The following MEMO1 variants were observed in gnomAD, a reference collection of about 807,000 sequenced individuals.
MEMO1 encodes the protein mediator of cell motility 1, also known as protein MEMO1.
In MEMO1, 6 loss-of-function variants were observed where a neutral mutation model predicts 45.2. That is an observed-to-expected ratio of 0.13 (90% confidence interval 0.07 to 0.26). The LOEUF (loss-of-function observed/expected upper bound fraction) is 0.26, where lower values mean the gene tolerates loss of function less well. MEMO1 is among the 10% of genes least tolerant of loss of function. MEMO1 has a pLI of 1.00. For missense variants in MEMO1, 184 were observed against 370.5 expected (o/e 0.50, Z 4.13); for synonymous variants, 78 against 124.3 (o/e 0.63, Z 2.48).
chr2:31,982,049 A>G (rs190345440), intron 2 of MEMO1, among the ~76,000 whole-genome samples: 5 of 152,300 alleles, frequency 3.3e-5, no homozygotes, highest in Non-Finnish European at 7.3e-5. Context: ...CTGTAATCCC[A>G]ACACTTTGAG....
intron 3 of MEMO1, among the ~76,000 whole-genome samples, chr2:31,940,035 C>A (rs1268389449): frequency 6.6e-6 from 1 of 152,054 alleles, no homozygotes; most frequent in Admixed American, 6.6e-5. Flanking sequence ...TACAGCTGAT[C>A]ACTTTTTCCC....
At chr2:31,993,915 T>C (rs559269758) in intron 2 of MEMO1, among the ~76,000 whole-genome samples, 3 of 151,098 alleles carry the variant, frequency 2.0e-5, no homozygotes, top group Admixed American at 6.6e-5. Flanking sequence ...GCTGTTGCTG[T>C]CTGCCAGAAA....
chr2:31,876,597 A>G (rs1674596437), intron 8 of MEMO1, among the ~76,000 whole-genome samples: 1 of 152,164 alleles, frequency 6.6e-6, no homozygotes, highest in African/African-American at 2.4e-5. Flanking sequence ...TGAAAATCCA[A>G]ATGTCTACCT....
intron 2 of MEMO1, among the ~76,000 whole-genome samples, chr2:31,959,417 A>G (rs1667753288): frequency 6.6e-6 from 1 of 152,112 alleles, no homozygotes; most frequent in South Asian, 2.1e-4. Flanking sequence ...GAGAAGATAC[A>G]GTACAAGGAA....
chr2:31,999,464 A>G lies in MEMO1; in HGVS notation c.61+10723T>C, dbSNP rs1673001018. Among the ~76,000 whole-genome samples, 6 of 152,162 alleles carry G rather than the reference A, an allele frequency of 3.9e-5. No homozygotes were observed. The South Asian group carries it at 1.2e-3, about 32-fold the overall frequency. ...GATTGCTTCAGTCCACAAGTTTAAG[A>G]CCAGCCTGAGCAATATAGTGAGACC... On this transcript the variant is annotated intron_variant, in intron 2 of 9. Coordinates refer to ENST00000404530, the MANE Select transcript of MEMO1 (RefSeq NM_001301833.4).
chr2:31,913,210 G>A (rs1365715815), intron 6 of MEMO1, among the ~76,000 whole-genome samples: 1 of 131,626 alleles, frequency 7.6e-6, no homozygotes, highest in Non-Finnish European at 1.5e-5. Flanking sequence ...GATGCAGTGA[G>A]CCATGATCCA....
chr2:31,918,520 A>G (rs1473675298), intron 5 of MEMO1, among the ~76,000 whole-genome samples: 1 of 152,168 alleles, frequency 6.6e-6, no homozygotes, highest in Non-Finnish European at 1.5e-5. Flanking sequence ...TTTTAATAAA[A>G]TGTGTGGTAT....
chr2:32,001,121 C>T (rs1038682583), intron 2 of MEMO1, among the ~76,000 whole-genome samples: 7 of 146,582 alleles, frequency 4.8e-5, no homozygotes, highest in African/African-American at 1.3e-4. Context: ...TCACTGCAAG[C>T]GCCGCCTCCC....
chr2:31,937,728 CTAGGTTAACTAA>C (rs1665087922), intron 3 of MEMO1, among the ~76,000 whole-genome samples: 1 of 152,138 alleles, frequency 6.6e-6, no homozygotes, highest in Non-Finnish European at 1.5e-5. Context: ...CAAAGTCCTA[CTAGGTTAACTAA>C]TATCAAGTAT....
intron 2 of MEMO1, among the ~76,000 whole-genome samples, chr2:31,985,174 T>A (rs1671116290): frequency 6.6e-6 from 1 of 152,136 alleles, no homozygotes; most frequent in Non-Finnish European, 1.5e-5. Flanking sequence ...TAAAACATGG[T>A]CCCCACTGGT....
chr2:31,921,035 G>C lies in MEMO1; in HGVS notation c.213-125C>G, dbSNP rs920224575. The C allele has an allele frequency of 7.2e-5, 44 of 611,842 alleles. No individual in the cohort carries two copies. The Admixed American group carries it at 1.3e-3, about 18-fold the overall frequency. 37.9% of individuals were successfully genotyped at this position (611,842 alleles called of 1,614,324 possible). A position where few individuals can be genotyped will look rare whatever the true frequency, so the allele number is the denominator to read the frequency against. Reference sequence around the variant, plus strand: ...CCTTCTTAATTACCAACTGTTAATGGCTGAACTGTGTTCCCCTCCAAAATT... The same window carrying C: ...CCTTCTTAATTACCAACTGTTAATGCCTGAACTGTGTTCCCCTCCAAAATT... On this transcript the variant is annotated intron_variant, in intron 4 of 9. Transcript: ENST00000404530.
intron 2 of MEMO1, among the ~76,000 whole-genome samples, chr2:31,962,789 T>C (rs1205634111): frequency 6.6e-6 from 1 of 152,232 alleles, no homozygotes; most frequent in Non-Finnish European, 1.5e-5. Flanking sequence ...GTTAATTTTA[T>C]GTGTTGACTT....
At chr2:31,990,308 T>C (rs904581569) in intron 2 of MEMO1, among the ~76,000 whole-genome samples, 2 of 152,216 alleles carry the variant, frequency 1.3e-5, no homozygotes, top group African/African-American at 4.8e-5. Flanking sequence ...ACTCTTCTCA[T>C]ACTCTTCTTG....
At chr2:31,870,010 T>C (rs2147865571) in intron 8 of MEMO1, 58 bp from the exon 9 acceptor site, 1 of 1,248,300 alleles carries the variant, frequency 8.0e-7, no homozygotes, top group Non-Finnish European at 1.1e-6. Context: ...CAATATTTAT[T>C]ATTTCCTAAT....
intron 6 of MEMO1, among the ~76,000 whole-genome samples, chr2:31,903,777 G>T (rs1403525382): frequency 6.6e-6 from 1 of 152,146 alleles, no homozygotes; most frequent in East Asian, 1.9e-4. Flanking sequence ...GACATATGCA[G>T]AAATATACAA....
chr2:31,976,407 A>G (rs2148482390), intron 2 of MEMO1, among the ~76,000 whole-genome samples: 1 of 151,980 alleles, frequency 6.6e-6, no homozygotes, highest in East Asian at 1.9e-4. Context: ...GTGAAACTCC[A>G]TCTCTACAAA....
intron 2 of MEMO1, among the ~76,000 whole-genome samples, chr2:31,998,426 T>C (rs1672864733): frequency 6.6e-6 from 1 of 152,208 alleles, no homozygotes; most frequent in Non-Finnish European, 1.5e-5. Flanking sequence ...CATGTTGGAA[T>C]GTTCTAAGGC....
At chr2:31,893,676 G>A (rs987311038) in intron 6 of MEMO1, among the ~76,000 whole-genome samples, 7 of 152,070 alleles carry the variant, frequency 4.6e-5, no homozygotes, top group African/African-American at 9.7e-5. Context: ...ATATATTTCC[G>A]TATCTGTAAA....
chr2:32,003,710 C>T (rs1342134953), intron 2 of MEMO1, among the ~76,000 whole-genome samples: 2 of 152,130 alleles, frequency 1.3e-5, no homozygotes, highest in African/African-American at 2.4e-5. Context: ...ATTTCATAAA[C>T]GGGAAACAAC....
Sources: allele counts gnomAD v4.1 joint callset (sites outside exome capture counted in the v4.1 genomes callset), GRCh38; gene constraint gnomAD v4.1.1; transcripts MANE v1.5; gene names NCBI Gene and HGNC (gene_info 2026-07-23, HGNC 2026-07-21).